The following PCDH15 variants were observed in gnomAD, a reference collection of about 807,000 sequenced individuals.
PCDH15 encodes the protein protocadherin related 15.
A neutral mutation model predicts 178.5 loss-of-function variants in PCDH15; 129 were observed. That is an observed-to-expected ratio of 0.72 (90% CI 0.63 to 0.84). PCDH15 has a LOEUF of 0.84. Among genes scored for constraint, PCDH15 ranks in the 40% least tolerant of loss-of-function variants. The pLI is 0.00. For synonymous variants in PCDH15, 800 were observed against 732.0 expected, an observed-to-expected ratio of 1.09 and a Z score of -1.50; for missense variants, 2,230 against 2,099.9, an observed-to-expected ratio of 1.06 and a Z score of -1.21.
At chr10:55,135,574 CTTTTTTTTTT>C (rs56956557) in intron 2 of PCDH15, among the ~76,000 whole-genome samples, 34 of 68,238 alleles carry the variant, frequency 5.0e-4, no homozygotes, top group East Asian at 4.1e-3. Flanking sequence ...TCTTTTCTTT[CTTTTTTTTTT>C]TTTTTTTTTT....
intron 2 of PCDH15, among the ~76,000 whole-genome samples, chr10:55,362,073 C>A (rs1480476919): frequency 6.6e-6 from 1 of 152,042 alleles, no homozygotes; most frequent in Non-Finnish European, 1.5e-5. Context: ...CTTATATCAT[C>A]TGTGGCTATT....
intron 3 of PCDH15, among the ~76,000 whole-genome samples, chr10:54,471,423 A>T (rs543206110): frequency 4.8e-4 from 73 of 152,252 alleles, no homozygotes; most frequent in Middle Eastern, 3.4e-3. Flanking sequence ...ATAAACATGT[A>T]TTTATTTTAA....
intron 3 of PCDH15, among the ~76,000 whole-genome samples, chr10:54,834,202 T>A (rs1953274192): frequency 6.6e-6 from 1 of 151,940 alleles, no homozygotes; most frequent in South Asian, 2.1e-4. Context: ...ACCTTTTTTT[T>A]TTTTTGAGAT....
At chr10:54,083,370 C>T (rs1430844016) in intron 16 of PCDH15, among the ~76,000 whole-genome samples, 1 of 152,132 alleles carries the variant, frequency 6.6e-6, no homozygotes. Flanking sequence ...GGTAGAAAAA[C>T]AGCTTAAACG....
At position 54,073,021 on chromosome 10, in the gene PCDH15, T is replaced by A. The variant is rs866831379; in HGVS notation, c.2092-6136A>T. ...TCTATTCCCTACCTGTCCAAACACA[T>A]ATTTATACATTATTGTCTAAGTAGG... is the stretch of plus-strand genomic sequence containing the variant. On this transcript the variant is annotated intron_variant, in intron 17 of 37. Coordinates refer to ENST00000644397, the MANE Select transcript of PCDH15 (RefSeq NM_001384140.1). Among the ~76,000 whole-genome samples, 8 of 152,264 alleles carry A rather than the reference T, an allele frequency of 5.3e-5. No individual in the cohort carries two copies. The Middle Eastern group carries it at 0.01, about 197-fold the overall frequency.
intron 1 of PCDH15, among the ~76,000 whole-genome samples, chr10:54,686,711 T>C (rs2095018895): frequency 6.6e-6 from 1 of 152,160 alleles, no homozygotes; most frequent in Non-Finnish European, 1.5e-5. Flanking sequence ...TGACTATATA[T>C]ACATAGATTT....
rs553655941 is a variant in PCDH15, at chr10:54,321,764, G to T, written c.706-4323C>A. On this transcript the variant is annotated intron_variant, in intron 7 of 37. Transcript: ENST00000644397. ...ATAATAGGAGTTTTTTCTCATATTG[G>T]GGAAAGATATTGCTTACAAAGTGTT... Among the ~76,000 whole-genome samples the T allele has an allele frequency of 1.7e-3, 253 of 151,954 alleles. 1 individual carries two copies. Among genetic ancestry groups the T allele is most frequent in the African/African-American group, 5.9e-3 (246 of 41,506 alleles).
chr10:54,093,372 T>G (rs2094635149), intron 15 of PCDH15, among the ~76,000 whole-genome samples: 2 of 152,140 alleles, frequency 1.3e-5, no homozygotes, highest in Non-Finnish European at 2.9e-5. Context: ...GTATTTATAG[T>G]TTTTCAGCCA....
intron 8 of PCDH15, 36 bp from the exon 9 acceptor site, chr10:54,236,967 A>T: frequency 6.7e-7 from 1 of 1,481,924 alleles, no homozygotes; most frequent in Non-Finnish European, 9.4e-7. Context: ...ATTCAGCCGC[A>T]TTACTAATAC....
chr10:54,768,433 C>T (rs528560756), intron 1 of PCDH15, among the ~76,000 whole-genome samples: 1 of 152,146 alleles, frequency 6.6e-6, no homozygotes, highest in East Asian at 1.9e-4. Context: ...AGAAAGTAAA[C>T]TTGCTAACAT....
At chr10:55,572,300 ATAAAG>A (rs201487434) in intron 2 of PCDH15, among the ~76,000 whole-genome samples, 8,850 of 151,716 alleles carry the variant, frequency 0.058, 559 homozygotes, top group East Asian at 0.31. Context: ...ATTAGAGTAT[ATAAAG>A]TATAGTGAAT....
chr10:55,199,074 C>G (rs1840172013), intron 1 of PCDH15, among the ~76,000 whole-genome samples: 1 of 152,004 alleles, frequency 6.6e-6, no homozygotes, highest in Admixed American at 6.5e-5. Context: ...AAGGTGGAAG[C>G]AACTTTTGGA....
chr10:54,202,219 ATTAAT>A (rs2050306754), intron 10 of PCDH15, among the ~76,000 whole-genome samples: 1 of 152,070 alleles, frequency 6.6e-6, no homozygotes, highest in Admixed American at 6.6e-5. Context: ...ATTTTAATTT[ATTAAT>A]TTAATTTACT....
chr10:54,002,572 A>G (rs2092209703), intron 20 of PCDH15, among the ~76,000 whole-genome samples: 1 of 152,192 alleles, frequency 6.6e-6, no homozygotes, highest in Non-Finnish European at 1.5e-5. Context: ...TGGAAATTAA[A>G]CAATACATTA....
At chr10:55,209,174 T>C (rs541392564) in intron 1 of PCDH15, among the ~76,000 whole-genome samples, 6 of 152,212 alleles carry the variant, frequency 3.9e-5, no homozygotes. Context: ...TGTAACATGA[T>C]ACATTCAAGG....
chr10:55,090,383 T>TAA (rs36088478), intron 2 of PCDH15, among the ~76,000 whole-genome samples: 68,476 of 151,660 alleles, frequency 0.45, 19,152 homozygotes, highest in African/African-American at 0.79. Context: ...CAAAAATGAA[T>TAA]AGTCTTATAC....
chr10:55,443,526 G>T (rs1839244507), intron 2 of PCDH15, among the ~76,000 whole-genome samples: 1 of 152,110 alleles, frequency 6.6e-6, no homozygotes, highest in Non-Finnish European at 1.5e-5. Context: ...AAAACCATAT[G>T]AAATAAAAGC....
intron 2 of PCDH15, among the ~76,000 whole-genome samples, chr10:55,453,807 T>C (rs1231302147): frequency 1.3e-5 from 2 of 152,152 alleles, no homozygotes; most frequent in African/African-American, 4.8e-5. Context: ...GGCTTCTTCT[T>C]GCATTAAAAT....
At chr10:54,547,305 C>G (rs1022554383) in intron 2 of PCDH15, among the ~76,000 whole-genome samples, 2 of 152,126 alleles carry the variant, frequency 1.3e-5, no homozygotes, top group Non-Finnish European at 2.9e-5. Flanking sequence ...TCACTATTCT[C>G]TTTGTTTACT....
Sources: gnomAD v4.1 joint callset for allele counts (sites outside exome capture counted in the v4.1 genomes callset) on GRCh38, gnomAD v4.1.1 for gene constraint, MANE v1.5 for transcripts, NCBI Gene and HGNC (gene_info 2026-07-23, HGNC 2026-07-21) for gene names.